Variants in CROCC2 observed in about 807,000 individuals in gnomAD.
The protein encoded by CROCC2 is ciliary rootlet coiled-coil protein 2.
In CROCC2, 163 loss-of-function variants were observed where a neutral mutation model predicts 177.6. That is an observed-to-expected ratio of 0.92 (90% CI 0.81 to 1.05). The LOEUF is 1.05. Among genes scored for constraint, CROCC2 ranks in the 50% least tolerant of loss-of-function variants. CROCC2 has a pLI of 0.00. For synonymous variants in CROCC2, 904 were observed against 787.3 expected, an observed-to-expected ratio of 1.15 and a Z score of -2.48; for missense variants, 1,929 against 1,797.8, an observed-to-expected ratio of 1.07 and a Z score of -1.32.
chr2:240,909,479 C>A (rs370565223), intron 1 of CROCC2, among the ~76,000 whole-genome samples: 1 of 152,240 alleles, frequency 6.6e-6, no homozygotes, highest in African/African-American at 2.4e-5. Flanking sequence ...CAGCACACTA[C>A]GTTTGCAGGA....
At chr2:240,964,296 G>A in intron 21 of CROCC2, 170 bp from the exon 22 acceptor site, 1 of 748,754 alleles carries the variant, frequency 1.3e-6, no homozygotes. Flanking sequence ...GGACCTGGGT[G>A]GACATATGTC....
intron 27 of CROCC2, among the ~76,000 whole-genome samples, chr2:240,971,797 C>A (rs887575878): frequency 6.6e-6 from 1 of 152,168 alleles, no homozygotes; most frequent in African/African-American, 2.4e-5. Flanking sequence ...GACCTGTCCT[C>A]CTGGCTTCAA....
Position 240,950,463 on chromosome 2 carries a change from C to G in CROCC2, c.2782C>G (p.Gln928Glu), listed in dbSNP as rs903171936. The G allele has an allele frequency of 7.7e-6, 12 of 1,550,124 alleles. No homozygotes were observed. Among genetic ancestry groups the G allele is most frequent in the Admixed American group, 2.0e-5 (1 of 50,972 alleles). The change falls in exon 18 of 32, where the codon CAG becomes GAG. Residue 928 changes from glutamine to glutamate, a missense_variant. This residue lies in a region of CROCC2 where 1,397 missense variants were observed against 1,239.9 expected (regional missense o/e 1.13). Coordinates refer to ENST00000690015, the MANE Select transcript of CROCC2 (RefSeq NM_001351305.2). Reference sequence around the variant, plus strand: ...GAAGGGGGAAATTCAGAGCCTGAAGCAGGAGCGGGACGAGAGCCTTCTCCA... The same window carrying G: ...GAAGGGGGAAATTCAGAGCCTGAAGGAGGAGCGGGACGAGAGCCTTCTCCA... Reference protein sequence around the residue: ...ALKGEIQSLKQERDESLLQLE... With the variant: ...ALKGEIQSLKEERDESLLQLE...
chr2:240,983,651 G>C, intron 28 of CROCC2: 2 of 1,275,866 alleles, frequency 1.6e-6, no homozygotes, highest in South Asian at 2.5e-5. Context: ...GCGGCTGGGA[G>C]AGGCGCTGGC....
In CROCC2 at chr2:240,982,878, A is replaced by G. The variant is rs746277587; in HGVS notation, c.4402-2A>G. On this transcript the variant is annotated splice_acceptor_variant, in intron 27 of 31. Transcript: ENST00000690015. LOFTEE classifies it high-confidence loss of function. The surrounding 1 kb of genome is among the most constrained non-coding windows in gnomAD (Gnocchi z 4.7). ...GTGGACCCTGTGTCTCCTTCCCCCC[A>G]GGAGCAACTGGAAACGCTGCGCCAG... is the stretch of plus-strand genomic sequence containing the variant. 9 of 1,547,212 alleles carry G rather than the reference A, an allele frequency of 5.8e-6. No individual in the cohort carries two copies. In the South Asian group the frequency reaches 9.6e-5, roughly 16 times the overall value.
At chr2:240,913,977 C>T (rs1041792302) in intron 1 of CROCC2, among the ~76,000 whole-genome samples, 2 of 152,262 alleles carry the variant, frequency 1.3e-5, no homozygotes, top group African/African-American at 4.8e-5. Flanking sequence ...CAGACTTCCC[C>T]GCCCAGGGAT....
chr2:240,992,995 C>A (rs2059889570), intron 31 of CROCC2, 71 bp from the exon 32 acceptor site: 2 of 708,368 alleles, frequency 2.8e-6, no homozygotes, highest in African/African-American at 1.8e-5. Flanking sequence ...TCCCTCCAGC[C>A]CCCGGCAGCA....
Position 240,932,721 on chromosome 2 carries a change from G to A in CROCC2, c.1064G>A (p.Arg355Gln), listed in dbSNP as rs776971346. The A allele has an allele frequency of 2.5e-5, 21 of 838,540 alleles. No homozygotes were observed. The highest frequency in any genetic ancestry group is 8.6e-5 in the South Asian group (6 of 69,826). The allele number at this position is 838,540 out of a possible 1,614,324, so 51.9% of individuals were successfully genotyped here. A position where few individuals can be genotyped will look rare whatever the true frequency, so the allele number is the denominator to read the frequency against. The change falls in exon 9 of 32, where the codon CGG (arginine) becomes CAG (glutamine). Residue 355 changes from arginine to glutamine, a missense_variant. By Grantham distance (43) the Arg-to-Gln change is conservative (BLOSUM62 1). Around this residue, in one of 3 missense-constraint regions of CROCC2, gnomAD observed 1,397 missense variants for 1,239.9 expected, o/e 1.13. Coordinates refer to ENST00000690015, the MANE Select transcript of CROCC2 (RefSeq NM_001351305.2). ...LQNLVAQEDA[R>Q]CLELAGSSIT... ...TTGAAGGTGGCCCAGGAGGACGCCCGGTGCCTGGAGCTGGCAGGTAGCAGC... is the reference window on the plus strand; with the variant it reads ...TTGAAGGTGGCCCAGGAGGACGCCCAGTGCCTGGAGCTGGCAGGTAGCAGC...
chr2:240,933,072 C>A (rs1358448018), intron 9 of CROCC2, 59 bp from the exon 10 acceptor site: 18 of 1,541,578 alleles, frequency 1.2e-5, no homozygotes, highest in Non-Finnish European at 1.4e-5. Flanking sequence ...CCCTGGTGGG[C>A]CTCGGTGGGC....
chr2:240,942,364 T>A lies in CROCC2; in HGVS notation c.2170-3696T>A, dbSNP rs2059500019. On this transcript the variant is annotated intron_variant, in intron 14 of 31. Coordinates refer to ENST00000690015, the MANE Select transcript of CROCC2 (RefSeq NM_001351305.2). ...GTAACATTCTTTTCCTTCTTGAGTA[T>A]GTTTTTAAACATATTAATTACAATA... Among the ~76,000 whole-genome samples the A allele has an allele frequency of 2.0e-5, 3 of 152,218 alleles. No individual in the cohort carries two copies. In the South Asian group the frequency reaches 6.2e-4, roughly 32 times the overall value.
At chr2:240,984,454 CGAG>C (rs965638779) in intron 28 of CROCC2, among the ~76,000 whole-genome samples, 12 of 151,906 alleles carry the variant, frequency 7.9e-5, no homozygotes, top group African/African-American at 2.7e-4. Context: ...CTGGGCCCAC[CGAG>C]GAGGAGCCTG....
chr2:240,951,445 T>G (rs139259083), intron 18 of CROCC2, among the ~76,000 whole-genome samples: 1 of 152,196 alleles, frequency 6.6e-6, no homozygotes, highest in East Asian at 1.9e-4. Flanking sequence ...CATCCATCCA[T>G]GCACTTGAAT....
chr2:240,983,809 C>G (rs563211187), intron 28 of CROCC2: 32 of 343,954 alleles, frequency 9.3e-5, no homozygotes, highest in South Asian at 6.7e-4. Context: ...GGGGGCAAAT[C>G]CCCGGCTTTG....
rs1161368574 is a variant in CROCC2 at position 240,917,140 on chromosome 2, C to T, written c.79-1586C>T. ...GGACTGAGAGACAGACCCTGGTGCA[C>T]GGGCTGTCGGGAGGACGGGCGGGCT... On this transcript the variant is annotated intron_variant, in intron 1 of 31. Transcript: ENST00000690015. The surrounding 1 kb of genome is among the most constrained non-coding windows in gnomAD (Gnocchi z 4.9). 6.6e-6 allele frequency among the ~76,000 whole-genome samples: 1 copy of T among 152,138 alleles called. No individual in the cohort carries two copies. The highest frequency in any genetic ancestry group is 2.4e-5 in the African/African-American group (1 of 41,442).
Position 240,930,197 on chromosome 2 carries a change from A to ACCT in CROCC2, c.687_689dup (p.Leu230dup). On this transcript the variant is annotated inframe_insertion, in exon 6 of 32. Coordinates refer to ENST00000690015, the MANE Select transcript of CROCC2 (RefSeq NM_001351305.2). ...TCAGGGGGCCTGGGGCAGCCCCGGG[A>ACCT]CCTCCTCCTCCTGTGGAGACAGGCC... 1 of 581,412 alleles carries ACCT rather than the reference A, an allele frequency of 1.7e-6. No individual in the cohort carries two copies. The highest frequency in any genetic ancestry group is 3.1e-5 in the Admixed American group (1 of 32,174). 36.0% of individuals were successfully genotyped at this position (581,412 alleles called of 1,614,324 possible).
At position 240,949,863 on chromosome 2, in the gene CROCC2, G is replaced by A. The variant is rs1450287138; in HGVS notation, c.2652+161G>A. On this transcript the variant is annotated intron_variant, in intron 17 of 31. Coordinates refer to ENST00000690015, the MANE Select transcript of CROCC2 (RefSeq NM_001351305.2). This position sits in a 1 kb window ranked among gnomAD's most constrained non-coding sequence, Gnocchi z 4.5. ...CAGCTCACTCTTTATAGTTCACGTG[G>A]GCATCCAGGGCCTTCCCCGTGGAGC... Among the ~76,000 whole-genome samples, 1 of 152,190 alleles carries A rather than the reference G, an allele frequency of 6.6e-6. No homozygotes were observed. The highest frequency in any genetic ancestry group is 1.5e-5 in the Non-Finnish European group (1 of 68,024).
At position 240,948,532 on chromosome 2, in the gene CROCC2, G is replaced by A. The variant is rs187275763; in HGVS notation, c.2364-447G>A. Among the ~76,000 whole-genome samples, 1,163 of 152,330 alleles carry A rather than the reference G, an allele frequency of 7.6e-3. 16 individuals are homozygous for A. The highest frequency in any genetic ancestry group is 0.026 in the African/African-American group (1,089 of 41,570). On this transcript the variant is annotated intron_variant, in intron 15 of 31. Transcript: ENST00000690015. ...GGATAAACACCCAGCACAGGGCAGC[G>A]AACAGCAACAATGAAACTTGCCATT... is the stretch of plus-strand genomic sequence containing the variant.
chr2:240,931,521 G>C (rs1160534805), intron 7 of CROCC2, among the ~76,000 whole-genome samples: 2 of 152,204 alleles, frequency 1.3e-5, no homozygotes, highest in Admixed American at 6.5e-5. Context: ...CCTCCTGCCC[G>C]ATATGAAGGA....
intron 1 of CROCC2, among the ~76,000 whole-genome samples, chr2:240,914,111 AG>A (rs953180416): frequency 2.0e-5 from 3 of 152,190 alleles, no homozygotes; most frequent in Non-Finnish European, 4.4e-5. Flanking sequence ...CCCTTTGCTC[AG>A]GCTGGGAAGG....
Sources: gnomAD v4.1 joint callset for allele counts (sites outside exome capture counted in the v4.1 genomes callset) on GRCh38, gnomAD v4.1.1 for gene constraint, gnomAD v4.1.1 regional missense constraint, Gnocchi (gnomAD v3.1) non-coding constraint, MANE v1.5 for transcripts, NCBI Gene and HGNC (gene_info 2026-07-23, HGNC 2026-07-21) for gene names.